The following TRIP12 variants were observed in gnomAD, a reference collection of about 807,000 sequenced individuals.
TRIP12 encodes the protein thyroid hormone receptor interactor 12, also known as E3 ubiquitin-protein ligase TRIP12.
A neutral mutation model predicts 244.2 loss-of-function variants in TRIP12; 25 were observed. The ratio of observed to expected loss-of-function variants is 0.10; its 90% confidence interval spans 0.07 to 0.14. The LOEUF is 0.14. Ranked by LOEUF, TRIP12 falls within the 10% of genes least tolerant of loss-of-function variation. The pLI is 1.00. For missense variants in TRIP12, 1,677 were observed against 2,486.4 expected (o/e 0.67, Z 6.92); for synonymous variants, 905 against 873.1 (o/e 1.04, Z -0.64).
intron 13 of TRIP12, among the ~76,000 whole-genome samples, chr2:229,813,648 G>A (rs2047802668): frequency 6.6e-6 from 1 of 152,054 alleles, no homozygotes; most frequent in South Asian, 2.1e-4. Flanking sequence ...GCTGGGTGTG[G>A]TGGCACACGC....
At chr2:229,895,889 G>C (rs995557381) in intron 1 of TRIP12, among the ~76,000 whole-genome samples, 3 of 152,108 alleles carry the variant, frequency 2.0e-5, no homozygotes, top group African/African-American at 7.2e-5. Flanking sequence ...ATGTAGAGCT[G>C]TGCAGGAGGA....
chr2:229,803,975 T>A, intron 19 of TRIP12, 24 bp downstream of exon 19: 1 of 1,565,728 alleles, frequency 6.4e-7, no homozygotes, highest in Non-Finnish European at 8.7e-7. Flanking sequence ...TTGTAAAATG[T>A]TTCTACTATT....
At chr2:229,835,174 T>C (rs1010748799) in intron 6 of TRIP12, among the ~76,000 whole-genome samples, 1 of 152,190 alleles carries the variant, frequency 6.6e-6, no homozygotes, top group African/African-American at 2.4e-5. Context: ...AAGAGATCTA[T>C]CCTCCAAAAT....
rs565616592 is a variant in TRIP12 at position 229,783,570 on chromosome 2, G to A, written c.5094+2187C>T. Among the ~76,000 whole-genome samples, 15 of 152,196 alleles carry A rather than the reference G, an allele frequency of 9.9e-5. No homozygotes were observed. In the East Asian group the frequency reaches 1.7e-3, roughly 18 times the overall value. On this transcript the variant is annotated intron_variant, in intron 34 of 41. Coordinates refer to ENST00000675903, the MANE Select transcript of TRIP12 (RefSeq NM_001348323.3). ...CAAAAAACCACAAAACATTTGGAGC[G>A]AAACAAAATATGTGCAAGAAAGACC... is the stretch of plus-strand genomic sequence containing the variant.
At chr2:229,822,075 G>A (rs2050204722) in intron 8 of TRIP12, among the ~76,000 whole-genome samples, 1 of 152,200 alleles carries the variant, frequency 6.6e-6, no homozygotes. Context: ...GGGAGGCAGA[G>A]GTTGCAGTGA....
intron 26 of TRIP12, among the ~76,000 whole-genome samples, chr2:229,794,230 TCAAA>T (rs2042236343): frequency 6.6e-6 from 1 of 152,146 alleles, no homozygotes. Context: ...GGTTTTTAAT[TCAAA>T]CAAAGTTTTT....
At chr2:229,815,983 A>T (rs1364760337) in intron 9 of TRIP12, among the ~76,000 whole-genome samples, 2 of 152,196 alleles carry the variant, frequency 1.3e-5, no homozygotes, top group Non-Finnish European at 2.9e-5. Context: ...CTAATGAAGG[A>T]ATGCAAAACT....
intron 8 of TRIP12, among the ~76,000 whole-genome samples, chr2:229,824,697 TAA>T (rs1200141134): frequency 6.6e-6 from 1 of 152,160 alleles, no homozygotes; most frequent in African/African-American, 2.4e-5. Flanking sequence ...AAAAGCAAAG[TAA>T]AGTGTATAAA....
chr2:229,895,383 A>G (rs1315195207), intron 1 of TRIP12, among the ~76,000 whole-genome samples: 1 of 152,104 alleles, frequency 6.6e-6, no homozygotes. Context: ...TAAAAATTCC[A>G]GAAGTAGAAG....
chr2:229,851,378 C>A (rs376942641), intron 4 of TRIP12, among the ~76,000 whole-genome samples: 7 of 151,966 alleles, frequency 4.6e-5, no homozygotes, highest in Non-Finnish European at 8.8e-5. Flanking sequence ...CTGTATCTAG[C>A]TAATCTGGTG....
In TRIP12 at chr2:229,766,690, A is replaced by G. The variant is rs978263214; in HGVS notation, c.*864T>C. 2 of 152,238 alleles carry G rather than the reference A, an allele frequency of 1.3e-5. No individual in the cohort carries two copies. Among genetic ancestry groups the G allele is most frequent in the African/African-American group, 4.8e-5 (2 of 41,456 alleles). 9.4% of individuals were successfully genotyped at this position (152,238 alleles called of 1,614,324 possible). A position where few individuals can be genotyped will look rare whatever the true frequency, so the allele number is the denominator to read the frequency against. On this transcript the variant is annotated 3_prime_UTR_variant, in exon 42 of 42. Coordinates refer to ENST00000675903, the MANE Select transcript of TRIP12 (RefSeq NM_001348323.3). ...TTAATTTAAAATCCTCTGGCCACAG[A>G]ATAATAAATACCGGCCAGCCCAAGC... is the stretch of plus-strand genomic sequence containing the variant.
rs571887345 is a variant in TRIP12, at chr2:229,895,513, A to C, written c.-49-15385T>G. Among the ~76,000 whole-genome samples, 5 of 151,444 alleles carry C rather than the reference A, an allele frequency of 3.3e-5. No individual in the cohort carries two copies. The East Asian group carries it at 9.7e-4, about 30-fold the overall frequency. ...TGAGCTCAAACAGGATAAATAAAAG[A>C]CATCTAAACCCAGACATGTCCTAAG... On this transcript the variant is annotated intron_variant, in intron 1 of 41. Transcript: ENST00000675903.
rs2154255362 is a variant in TRIP12 at position 229,787,572 on chromosome 2, G to T, written c.4928C>A (p.Thr1643Asn). ...RDRAMQRLLD[T>N]NPEINQSDSQ... The stretch of plus-strand genomic sequence containing the variant: ...ATCAGACTGGTTGATTTCTGGGTTG[G>T]TATCAAGTAATCTTTGCATTGCTCG... The change falls in exon 33 of 42, where the codon ACC (threonine) becomes AAC (asparagine). Residue 1643 changes from threonine to asparagine, a missense_variant. Thr to Asn is a moderately conservative substitution (Grantham distance 65, BLOSUM62 0). Coordinates refer to ENST00000675903, the MANE Select transcript of TRIP12 (RefSeq NM_001348323.3). 1 of 1,613,766 alleles carries T rather than the reference G, an allele frequency of 6.2e-7. No homozygotes were observed. The highest frequency in any genetic ancestry group is 8.5e-7 in the Non-Finnish European group (1 of 1,179,892).
intron 2 of TRIP12, among the ~76,000 whole-genome samples, chr2:229,876,178 A>G (rs1475664315): frequency 2.0e-5 from 3 of 152,114 alleles, no homozygotes; most frequent in Non-Finnish European, 4.4e-5. Context: ...GGAGGCTGAG[A>G]GGCAGGAGAA....
intron 34 of TRIP12, among the ~76,000 whole-genome samples, chr2:229,782,053 A>AT (rs1442781052): frequency 2.6e-5 from 4 of 152,192 alleles, no homozygotes; most frequent in Non-Finnish European, 5.9e-5. Context: ...GAGAGGAAAG[A>AT]TATTTCCTGG....
At chr2:229,903,764 C>T (rs1464521631) in intron 1 of TRIP12, among the ~76,000 whole-genome samples, 1 of 151,714 alleles carries the variant, frequency 6.6e-6, no homozygotes, top group Non-Finnish European at 1.5e-5. Flanking sequence ...ACCTGTAATC[C>T]CAGCACTTTG....
intron 1 of TRIP12, among the ~76,000 whole-genome samples, chr2:229,912,064 C>T (rs73998709): frequency 0.015 from 2,261 of 152,282 alleles, 50 homozygotes; most frequent in African/African-American, 0.052. Context: ...GAACAAACAA[C>T]AGTTGAATGT....
chr2:229,899,504 T>C (rs2069971257), intron 1 of TRIP12, among the ~76,000 whole-genome samples: 1 of 152,170 alleles, frequency 6.6e-6, no homozygotes, highest in African/African-American at 2.4e-5. Context: ...GGTGTGCAGA[T>C]AGCCAGCGGT....
At chr2:229,771,738 G>T in intron 38 of TRIP12, 106 bp from the exon 39 acceptor site, 1 of 724,692 alleles carries the variant, frequency 1.4e-6, no homozygotes, top group Non-Finnish European at 2.3e-6. Context: ...ACTTTATAAA[G>T]AACAAACAAG....
Sources: gnomAD v4.1 joint callset for allele counts (sites outside exome capture counted in the v4.1 genomes callset) on GRCh38, gnomAD v4.1.1 for gene constraint, MANE v1.5 for transcripts, NCBI Gene and HGNC (gene_info 2026-07-23, HGNC 2026-07-21) for gene names.